Variants in NFILZ observed in about 807,000 individuals in gnomAD.
NFILZ encodes the protein NFIL3 like basic leucine zipper.
intron 3 of NFILZ, among the ~76,000 whole-genome samples, chr19:8,651,197 T>C (rs777725247): frequency 6.6e-6 from 1 of 152,192 alleles, no homozygotes. Context: ...AATCTTGCTC[T>C]GTTGCCCAGG....
chr19:8,638,137 A>G (rs1192821458), intron 3 of NFILZ, among the ~76,000 whole-genome samples: 3 of 152,054 alleles, frequency 2.0e-5, no homozygotes, highest in Non-Finnish European at 4.4e-5. Flanking sequence ...ACACACAGAA[A>G]AATGGAAAGA....
chr19:8,636,234 G>C (rs961250372), intron 3 of NFILZ, among the ~76,000 whole-genome samples: 1 of 151,322 alleles, frequency 6.6e-6, no homozygotes, highest in Non-Finnish European at 1.5e-5. Flanking sequence ...TGAATCACGG[G>C]GTCAGGAGTT....
At chr19:8,673,097 C>A (rs1290223932) in intron 3 of NFILZ, among the ~76,000 whole-genome samples, 2 of 151,876 alleles carry the variant, frequency 1.3e-5, no homozygotes, top group East Asian at 3.9e-4. Flanking sequence ...ATGAATGGGG[C>A]CAGGGGAGAA....
rs2042972647 is a variant in NFILZ, at chr19:8,652,985, TTC to T, written c.-164+17240_-164+17241del. 1.3e-4 allele frequency among the ~76,000 whole-genome samples: 6 copies of T among 46,062 alleles called. 1 individual carries two copies. The highest frequency in any genetic ancestry group is 5.9e-4 in the African/African-American group (5 of 8,446). The allele number at this position is 46,062 out of a possible 152,430, so 30.2% of individuals were successfully genotyped here. The stretch of plus-strand genomic sequence containing the variant: ...CTTCCTTCCCTCCTTCCTTCCTTCC[TTC>T]CTTCCTTCCTTCCTTCCTTCCTTCC... On this transcript the variant is annotated intron_variant, in intron 3 of 5. Coordinates refer to ENST00000691075, the MANE Select transcript of NFILZ (RefSeq NM_001378600.1).
In NFILZ at chr19:8,652,798, T is replaced by C. The variant is rs2146148306; in HGVS notation, c.-164+17052T>C. Among the ~76,000 whole-genome samples the C allele has an allele frequency of 1.3e-5, 2 of 151,410 alleles. 1 individual carries two copies. Among genetic ancestry groups the C allele is most frequent in the South Asian group, 4.2e-4 (2 of 4,798 alleles). On this transcript the variant is annotated intron_variant, in intron 3 of 5. Transcript: ENST00000691075. ...CCTTTCTTTCTTTTCTTTCTTTCTT[T>C]CCCTCCCTCCTTCTCTCTCTCTCTT...
chr19:8,654,671 A>G (rs1426586792), intron 3 of NFILZ, among the ~76,000 whole-genome samples: 3 of 152,186 alleles, frequency 2.0e-5, no homozygotes, highest in African/African-American at 7.2e-5. Flanking sequence ...AGAAAAAGAA[A>G]AAGAAATAAA....
In NFILZ at chr19:8,660,074, C is replaced by T. The variant is rs370071708; in HGVS notation, c.-163-14477C>T. On this transcript the variant is annotated intron_variant, in intron 3 of 5. Coordinates refer to ENST00000691075, the MANE Select transcript of NFILZ (RefSeq NM_001378600.1). ...TCCCAGAGGAGCTGTGTCTTGGCAT[C>T]AAAGGCGCTTTTGGGACCTGCTCAC... is the stretch of plus-strand genomic sequence containing the variant. Among the ~76,000 whole-genome samples the T allele has an allele frequency of 5.3e-5, 8 of 152,148 alleles. No individual in the cohort carries two copies. The East Asian group carries it at 5.8e-4, about 11-fold the overall frequency.
At chr19:8,648,684 A>G (rs1304936204) in intron 3 of NFILZ, among the ~76,000 whole-genome samples, 2 of 151,562 alleles carry the variant, frequency 1.3e-5, no homozygotes, top group Non-Finnish European at 3.0e-5. Context: ...AAACAAACAA[A>G]CAAACAAAAA....
intron 2 of NFILZ, among the ~76,000 whole-genome samples, chr19:8,634,890 C>T (rs141697146): frequency 6.6e-6 from 1 of 151,016 alleles, no homozygotes; most frequent in Non-Finnish European, 1.5e-5. Flanking sequence ...AACAAACAAA[C>T]AAACAAACAA....
At chr19:8,636,026 G>A (rs1386116566) in intron 3 of NFILZ, among the ~76,000 whole-genome samples, 1 of 151,760 alleles carries the variant, frequency 6.6e-6, no homozygotes, top group African/African-American at 2.4e-5. Context: ...TAGTAGAGAG[G>A]GGGTTTCACC....
At chr19:8,649,840 C>T (rs186028016) in intron 3 of NFILZ, among the ~76,000 whole-genome samples, 148 of 152,086 alleles carry the variant, frequency 9.7e-4, no homozygotes, top group African/African-American at 3.3e-3. Context: ...TTTGGCCGGG[C>T]GTGGTAGCTC....
At chr19:8,642,470 T>A (rs1372387870) in intron 3 of NFILZ, among the ~76,000 whole-genome samples, 2 of 152,204 alleles carry the variant, frequency 1.3e-5, no homozygotes, top group Non-Finnish European at 2.9e-5. Context: ...ATTCTGTGGG[T>A]TGGCAACTTG....
intron 2 of NFILZ, among the ~76,000 whole-genome samples, chr19:8,633,877 C>CCCTTCCTT (rs782201553): frequency 0.048 from 4,066 of 84,418 alleles, 158 homozygotes; most frequent in Non-Finnish European, 0.052. Context: ...TAACTTTTCT[C>CCCTTCCTT]CCTTCCTTCC....
intron 3 of NFILZ, among the ~76,000 whole-genome samples, 144 bp from the exon 4 acceptor site, chr19:8,674,407 T>C (rs547390962): frequency 2.6e-5 from 4 of 152,334 alleles, no homozygotes; most frequent in Admixed American, 2.6e-4. Flanking sequence ...TTTCTTCTTT[T>C]GTCTACCTTA....
intron 3 of NFILZ, among the ~76,000 whole-genome samples, chr19:8,659,932 G>A (rs143002469): frequency 1.8e-4 from 28 of 152,264 alleles, no homozygotes; most frequent in East Asian, 5.8e-4. Flanking sequence ...TCCAAGGGCC[G>A]GAAGACACTT....
At chr19:8,668,252 A>T (rs2043071397) in intron 3 of NFILZ, among the ~76,000 whole-genome samples, 1 of 136,204 alleles carries the variant, frequency 7.3e-6, no homozygotes, top group East Asian at 2.7e-4. Flanking sequence ...TGCCCGGCAT[A>T]TACATATATA....
intron 3 of NFILZ, among the ~76,000 whole-genome samples, chr19:8,644,428 A>T (rs1324229654): frequency 6.6e-6 from 1 of 151,742 alleles, no homozygotes; most frequent in Non-Finnish European, 1.5e-5. Context: ...ATGTATTTCA[A>T]CTCATTTCCA....
Position 8,680,763 on chromosome 19 carries a change from G to T in NFILZ, c.*3128G>T, listed in dbSNP as rs191463161. ...ATTGAAATAGGGGGATCTCAGCCTT[G>T]CTGAGAAAGTGACATTTGAACAGAG... On this transcript the variant is annotated 3_prime_UTR_variant, in exon 6 of 6. Coordinates refer to ENST00000691075, the MANE Select transcript of NFILZ (RefSeq NM_001378600.1). Among the ~76,000 whole-genome samples the T allele has an allele frequency of 6.6e-6, 1 of 152,328 alleles. No homozygotes were observed. The highest frequency in any genetic ancestry group is 1.9e-4 in the East Asian group (1 of 5,188).
rs2043142560 is a variant in NFILZ, at chr19:8,680,684, G to A, written c.*3049G>A. Among the ~76,000 whole-genome samples, 1 of 152,156 alleles carries A rather than the reference G, an allele frequency of 6.6e-6. No homozygotes were observed. Among genetic ancestry groups the A allele is most frequent in the African/African-American group, 2.4e-5 (1 of 41,432 alleles). ...TACGTGTCATGGAGAAAAAAGGGAG[G>A]CTTGGGAAAGGTAGGTGTGGGTGCG... is the stretch of plus-strand genomic sequence containing the variant. On this transcript the variant is annotated 3_prime_UTR_variant, in exon 6 of 6. Coordinates refer to ENST00000691075, the MANE Select transcript of NFILZ (RefSeq NM_001378600.1).
Sources: allele counts gnomAD v4.1 joint callset (sites outside exome capture counted in the v4.1 genomes callset), GRCh38; gene constraint gnomAD v4.1.1; transcripts MANE v1.5; gene names NCBI Gene and HGNC (gene_info 2026-07-23, HGNC 2026-07-21).